Variants in VSTM4 observed in about 807,000 individuals in gnomAD.
The protein encoded by VSTM4 is V-set and transmembrane domain-containing protein 4.
In VSTM4, 20 loss-of-function variants were observed where a neutral mutation model predicts 36.4. The observed-to-expected ratio is 0.55, with a 90% CI of 0.39 to 0.80. VSTM4 has a LOEUF of 0.80. Ranked by LOEUF, VSTM4 falls within the 30% of genes least tolerant of loss-of-function variation. The probability of loss-of-function intolerance (pLI) is 0.00; values close to 1 mark genes in which losing one functional copy is unlikely to be tolerated. For missense variants in VSTM4, 392 were observed against 404.5 expected (o/e 0.97, Z 0.26); for synonymous variants, 182 against 173.9 (o/e 1.05, Z -0.37).
chr10:49,058,170 T>C (rs958134656), intron 5 of VSTM4, among the ~76,000 whole-genome samples: 1 of 152,202 alleles, frequency 6.6e-6, no homozygotes, highest in Non-Finnish European at 1.5e-5. Context: ...CATTCATTGC[T>C]GCATTATAAC....
At chr10:49,082,770 GT>G (rs1258361338) in intron 3 of VSTM4, among the ~76,000 whole-genome samples, 1 of 152,212 alleles carries the variant, frequency 6.6e-6, no homozygotes, top group African/African-American at 2.4e-5. Flanking sequence ...ATCATTTACA[GT>G]TTTGTCTTTT....
chr10:49,026,138 T>G (rs1386600294), intron 7 of VSTM4, among the ~76,000 whole-genome samples: 1 of 152,026 alleles, frequency 6.6e-6, no homozygotes, highest in African/African-American at 2.4e-5. Flanking sequence ...ACAAACTAGA[T>G]CTTAAGACAG....
intron 4 of VSTM4, among the ~76,000 whole-genome samples, chr10:49,065,766 G>C (rs184651641): frequency 1.3e-5 from 2 of 152,174 alleles, no homozygotes; most frequent in Admixed American, 1.3e-4. Flanking sequence ...GTGGAATTGA[G>C]AGCAGATAAT....
intron 1 of VSTM4, among the ~76,000 whole-genome samples, chr10:49,109,637 A>G (rs958017584): frequency 1.7e-4 from 26 of 152,318 alleles, no homozygotes; most frequent in Non-Finnish European, 2.9e-4. Flanking sequence ...AGGGATTAAA[A>G]CACCAAAGTC....
chr10:49,019,699 G>C lies in VSTM4; in HGVS notation c.914C>G (p.Pro305Arg), dbSNP rs780061399. Residue 305 changes from proline (P) to arginine (R), a missense_variant, in exon 8 of 8, where the codon CCC (proline) becomes CGC (arginine). By Grantham distance (103) the Pro-to-Arg change is moderately radical. Transcript: ENST00000332853. ...IKPHRAAKGA[P>R]TSTVYAQILF... ...GATCTGGGCGTAGACAGTGCTGGTG[G>C]GGGCGCCTTTGGCAGCCCGGTGGGG... The C allele has an allele frequency of 3.7e-6, 6 of 1,613,928 alleles. No homozygotes were observed. The highest frequency in any genetic ancestry group is 1.7e-5 in the Admixed American group (1 of 59,996).
At position 49,015,275 on chromosome 10, in the gene VSTM4, C is replaced by T. The variant is rs1025454300; in HGVS notation, c.*4375G>A. The T allele has an allele frequency of 1.3e-5, 2 of 152,176 alleles. No homozygotes were observed. Among genetic ancestry groups the T allele is most frequent in the African/African-American group, 4.8e-5 (2 of 41,394 alleles). The allele number at this position is 152,176 out of a possible 1,614,324, so 9.4% of individuals were successfully genotyped here. ...TAGCTGGGACTACAGGCACCCACCA[C>T]CATGCCTGGCTAATTTTTTGTATTT... is the stretch of plus-strand genomic sequence containing the variant. On this transcript the variant is annotated 3_prime_UTR_variant, in exon 8 of 8. Coordinates refer to ENST00000332853, the MANE Select transcript of VSTM4 (RefSeq NM_001031746.5).
intron 7 of VSTM4, among the ~76,000 whole-genome samples, chr10:49,038,083 T>A (rs1843460835): frequency 1.3e-5 from 2 of 152,218 alleles, no homozygotes; most frequent in South Asian, 4.1e-4. Flanking sequence ...GCCATTACCA[T>A]CTGATCCAGC....
At chr10:49,033,573 A>C (rs1185215689) in intron 7 of VSTM4, among the ~76,000 whole-genome samples, 2 of 152,212 alleles carry the variant, frequency 1.3e-5, no homozygotes, top group Non-Finnish European at 2.9e-5. Context: ...AATGAGGTCA[A>C]GACATTAAAC....
intron 5 of VSTM4, among the ~76,000 whole-genome samples, chr10:49,059,974 T>A (rs1843846685): frequency 6.6e-6 from 1 of 152,234 alleles, no homozygotes; most frequent in South Asian, 2.1e-4. Context: ...ATATGTAATT[T>A]TTTGTATCTG....
In VSTM4 at chr10:49,014,609, GTT is replaced by G. The variant is rs3841001; in HGVS notation, c.*5039_*5040del. On this transcript the variant is annotated 3_prime_UTR_variant, in exon 8 of 8. Transcript: ENST00000332853. Reference sequence around the variant, plus strand: ...CTGTTAGCCTTAGGCACTGGGGAATGTTTTTTTTTTCCCAGAGAAAGAAAGCA... The same window carrying G: ...CTGTTAGCCTTAGGCACTGGGGAATGTTTTTTTTCCCAGAGAAAGAAAGCA... 138,742 of 151,962 alleles carry G rather than the reference GTT, an allele frequency of 0.91. 64,465 individuals are homozygous for G. The highest frequency in any genetic ancestry group is 1 in the Non-Finnish European group (67,875 of 68,038). 9.4% of individuals were successfully genotyped at this position (151,962 alleles called of 1,614,324 possible).
At chr10:49,094,518 C>A (rs1216102594) in intron 2 of VSTM4, among the ~76,000 whole-genome samples, 2 of 152,140 alleles carry the variant, frequency 1.3e-5, no homozygotes, top group Admixed American at 1.3e-4. Context: ...GCTCCAGGTC[C>A]CTCAGGCAGC....
intron 7 of VSTM4, among the ~76,000 whole-genome samples, chr10:49,044,421 A>G (rs1269307610): frequency 6.6e-6 from 1 of 151,298 alleles, no homozygotes; most frequent in Admixed American, 6.6e-5. Context: ...GAGAGAAAGA[A>G]AGAAAAAGAA....
intron 3 of VSTM4, among the ~76,000 whole-genome samples, chr10:49,078,849 AT>A (rs35247153): frequency 6.6e-6 from 1 of 152,104 alleles, no homozygotes; most frequent in Admixed American, 6.5e-5. Flanking sequence ...TTAGAAATTG[AT>A]TTTTTCTTTC....
intron 2 of VSTM4, among the ~76,000 whole-genome samples, chr10:49,090,667 G>A (rs1298292366): frequency 6.6e-6 from 1 of 152,174 alleles, no homozygotes; most frequent in Non-Finnish European, 1.5e-5. Context: ...CCTGATCCAG[G>A]TGAGCTTCTG....
chr10:49,060,414 ATC>A (rs1843857063), intron 5 of VSTM4, among the ~76,000 whole-genome samples: 1 of 152,220 alleles, frequency 6.6e-6, no homozygotes, highest in African/African-American at 2.4e-5. Flanking sequence ...GTATAGTGAT[ATC>A]ACCTGTGGTT....
intron 6 of VSTM4, 143 bp downstream of exon 6, chr10:49,048,335 G>A: frequency 1.4e-6 from 1 of 698,188 alleles, no homozygotes; most frequent in Non-Finnish European, 2.2e-6. Flanking sequence ...ATCTAGGTGG[G>A]GGTCCAGACT....
intron 5 of VSTM4, among the ~76,000 whole-genome samples, chr10:49,055,080 T>C (rs1376896533): frequency 6.6e-6 from 1 of 152,166 alleles, no homozygotes; most frequent in African/African-American, 2.4e-5. Flanking sequence ...GGATGTATTG[T>C]GGTCTGAACT....
chr10:49,055,863 A>G (rs559194455), intron 5 of VSTM4, among the ~76,000 whole-genome samples: 11 of 152,352 alleles, frequency 7.2e-5, no homozygotes, highest in African/African-American at 2.4e-4. Flanking sequence ...GTCACCTATC[A>G]TGACCTTACT....
At chr10:49,058,720 C>T (rs1362794010) in intron 5 of VSTM4, among the ~76,000 whole-genome samples, 6 of 152,198 alleles carry the variant, frequency 3.9e-5, no homozygotes, top group Non-Finnish European at 7.3e-5. Context: ...AGGTTCTGGC[C>T]CAGTTACTTG....
Sources: gnomAD v4.1 joint callset for allele counts (sites outside exome capture counted in the v4.1 genomes callset) on GRCh38, gnomAD v4.1.1 for gene constraint, MANE v1.5 for transcripts, NCBI Gene and HGNC (gene_info 2026-07-23, HGNC 2026-07-21) for gene names.